C16orf46: variants seen among roughly 807,000 people sequenced by gnomAD.
C16orf46 encodes the protein uncharacterized protein C16orf46.
A neutral mutation model predicts 5.5 loss-of-function variants in C16orf46; 7 were observed. The ratio of observed to expected loss-of-function variants is 1.28; its 90% confidence interval spans 0.73 to 2.40. C16orf46 has a LOEUF of 2.40. Ranked by LOEUF, C16orf46 falls within the 30% of genes most tolerant of loss-of-function variation. The probability of loss-of-function intolerance (pLI) is 0.00; values close to 1 mark genes in which losing one functional copy is unlikely to be tolerated. For synonymous variants in C16orf46, 200 were observed against 184.1 expected (o/e 1.09, Z -0.70); for missense variants, 614 against 476.0 (o/e 1.29, Z -2.70).
At chr16:81,054,474 G>T (rs1196527182) in intron 3 of C16orf46, among the ~76,000 whole-genome samples, 2 of 135,722 alleles carry the variant, frequency 1.5e-5, no homozygotes, top group South Asian at 2.6e-4. Context: ...TACTATTAAT[G>T]AATTGCAAGC....
intron 1 of C16orf46, among the ~76,000 whole-genome samples, chr16:81,067,743 G>T (rs1052696873): frequency 5.3e-5 from 8 of 152,052 alleles, no homozygotes; most frequent in African/African-American, 1.9e-4. Flanking sequence ...AGTAGAAACG[G>T]AGTTTTACCA....
chr16:81,073,192 T>C (rs1316316423), intron 1 of C16orf46, among the ~76,000 whole-genome samples: 5 of 152,224 alleles, frequency 3.3e-5, no homozygotes. Context: ...AACAGATGTC[T>C]GTAGTTATTA....
intron 3 of C16orf46, 138 bp from the exon 4 acceptor site, chr16:81,062,276 C>T: frequency 3.0e-6 from 2 of 675,426 alleles, no homozygotes; most frequent in Non-Finnish European, 2.2e-6. Context: ...CTACCCCTTC[C>T]CCCACTAATA....
Position 81,061,086 on chromosome 16 carries a change from A to C in C16orf46, c.*75T>G, listed in dbSNP as rs1220263543. 1.7e-5 allele frequency: 25 copies of C among 1,497,884 alleles called. No homozygotes were observed. In the South Asian group the frequency reaches 1.8e-4, roughly 11 times the overall value. 92.8% of individuals were successfully genotyped at this position (1,497,884 alleles called of 1,614,324 possible). A position where few individuals can be genotyped will look rare whatever the true frequency, so the allele number is the denominator to read the frequency against. ...AAAGAGAGAGTGGGGGGTGGGTGGG[A>C]AATGAGAGAGAAGAAAGAGAAAGGA... On this transcript the variant is annotated 3_prime_UTR_variant, in exon 4 of 4. Transcript: ENST00000299578.
rs1330161610 is a variant in C16orf46, at chr16:81,077,184, A to G, written c.-176T>C. On this transcript the variant is annotated 5_prime_UTR_variant, in exon 1 of 4. Transcript: ENST00000299578. ...GCCCCGAGACAGCTAGTCCCGGCCT[A>G]CTGGCAAGAGCTACTCAGGTCGCTG... 2.6e-5 allele frequency: 4 copies of G among 152,292 alleles called. No individual in the cohort carries two copies. Among genetic ancestry groups the G allele is most frequent in the African/African-American group, 9.6e-5 (4 of 41,458 alleles). The allele number at this position is 152,292 out of a possible 1,614,324, so 9.4% of individuals were successfully genotyped here.
chr16:81,075,618 A>G (rs1972011443), intron 1 of C16orf46, among the ~76,000 whole-genome samples: 1 of 152,148 alleles, frequency 6.6e-6, no homozygotes, highest in Non-Finnish European at 1.5e-5. Flanking sequence ...CTGAATTGTC[A>G]ACTCCAAACT....
At chr16:81,057,544 A>G (rs1168492453), downstream of C16orf46, among the ~76,000 whole-genome samples, 2 of 151,820 alleles carry the variant, frequency 1.3e-5, no homozygotes, top group Non-Finnish European at 2.9e-5. Flanking sequence ...GTCTCAAAAA[A>G]AAAAAAAAAA....
Position 81,054,093 on chromosome 16 carries a change from T to G in C16orf46, c.1145A>C (p.His382Pro), listed in dbSNP as rs768203674. 46 of 1,612,572 alleles carry G rather than the reference T, an allele frequency of 2.9e-5. No individual in the cohort carries two copies. The East Asian group carries it at 9.8e-4, about 34-fold the overall frequency. ...CTCCTACTTTATCTTCTTTTTCCTGTGCTGTAACGAGAAATTTAATGACTT... is the reference window on the plus strand; with the variant it reads ...CTCCTACTTTATCTTCTTTTTCCTGGGCTGTAACGAGAAATTTAATGACTT... Residue 382 changes from histidine to proline, a missense_variant and splice_region_variant, in exon 4 of 4, where the codon CAC becomes CCC. Coordinates refer to the C16orf46 transcript ENST00000378611.
At chr16:81,054,187 G>A in intron 3 of C16orf46, 1 of 1,296,348 alleles carries the variant, frequency 7.7e-7, no homozygotes, top group Non-Finnish European at 1.1e-6. Context: ...TATGACAAAA[G>A]GATATTCAAC....
intron 2 of C16orf46, among the ~76,000 whole-genome samples, chr16:81,065,817 A>ATTTTG (rs67787866): frequency 0.058 from 8,643 of 149,724 alleles, 785 homozygotes; most frequent in African/African-American, 0.19. Context: ...TAGTTTTTTT[A>ATTTTG]TTTTGTTTTG....
At chr16:81,073,592 T>C (rs980266348) in intron 1 of C16orf46, among the ~76,000 whole-genome samples, 3 of 152,220 alleles carry the variant, frequency 2.0e-5, no homozygotes, top group Non-Finnish European at 4.4e-5. Context: ...TATTAACCAG[T>C]TGACCTGAAG....
At chr16:81,062,176 G>A in intron 3 of C16orf46, 38 bp from the exon 4 acceptor site, 2 of 1,509,614 alleles carry the variant, frequency 1.3e-6, no homozygotes, top group Non-Finnish European at 1.8e-6. Context: ...CCAGCTGAGG[G>A]GCCCAAACTG....
In C16orf46 at chr16:81,063,746, T is replaced by C. The variant is rs994206214; in HGVS notation, c.210A>G (p.Ala70=). 6 of 1,609,874 alleles carry C rather than the reference T, an allele frequency of 3.7e-6. No individual in the cohort carries two copies. Among genetic ancestry groups the C allele is most frequent in the Admixed American group, 1.7e-5 (1 of 59,890 alleles). The stretch of plus-strand genomic sequence containing the variant: ...AGCTGTGACTCAGAAAGATACTCAC[T>C]GCCTCTTCCCATCCAGTTCCAATAA... The part of the protein sequence containing the change: ...EFIIGTGWEE[A]VQGWGRTSPA... The change falls in exon 3 of 4, where the codon GCA becomes GCG. Residue 70 remains alanine, a splice_region_variant and synonymous_variant. Transcript: ENST00000299578.
chr16:81,055,809 T>A (rs951008368), intron 3 of C16orf46, among the ~76,000 whole-genome samples: 7 of 152,130 alleles, frequency 4.6e-5, no homozygotes, highest in African/African-American at 1.4e-4. Flanking sequence ...AACCTCTGCC[T>A]CCCCGGGTTC....
rs777430599 is a variant in C16orf46, at chr16:81,061,545, C to T, written c.804G>A (p.Glu268=). ...CGTTGACCATAGGGTGTTTGGCCAG[C>T]TCACTGGCTCTTTTTTCACCTTTCC... The part of the protein sequence containing the change: ...ADGKGEKRAS[E]LAKHPMVNDT... The change falls in exon 4 of 4, where the codon GAG becomes GAA. Residue 268 remains glutamate (E), a synonymous_variant. Coordinates refer to ENST00000299578, the MANE Select transcript of C16orf46 (RefSeq NM_152337.3). The T allele has an allele frequency of 4.3e-6, 7 of 1,614,084 alleles. No homozygotes were observed. In the East Asian group the frequency reaches 1.6e-4, roughly 36 times the overall value.
chr16:81,060,858 G>A (rs1190667921), downstream of C16orf46: 12 of 541,266 alleles, frequency 2.2e-5, no homozygotes, highest in East Asian at 6.2e-5. Flanking sequence ...TGCTGGGAGT[G>A]GACATGAAGC....
intron 1 of C16orf46, among the ~76,000 whole-genome samples, chr16:81,072,748 C>G (rs771174979): frequency 3.9e-5 from 6 of 152,130 alleles, no homozygotes; most frequent in Non-Finnish European, 5.9e-5. Context: ...CTTGCCCAGG[C>G]TGGAGTGCAA....
At chr16:81,054,009 C>G in exon 4 of C16orf46, 1 of 1,533,688 alleles carries the variant, frequency 6.5e-7, no homozygotes, top group Non-Finnish European at 9.0e-7. Flanking sequence ...GAAATATTTG[C>G]TTTTATGATT....
intron 1 of C16orf46, chr16:81,071,921 T>A (rs906222827): frequency 6.6e-6 from 1 of 152,152 alleles, no homozygotes; most frequent in African/African-American, 2.4e-5. Flanking sequence ...TCTGTTGCAG[T>A]TGGGTTAGAG....
Sources: gnomAD v4.1 joint callset for allele counts (sites outside exome capture counted in the v4.1 genomes callset) on GRCh38, gnomAD v4.1.1 for gene constraint, MANE v1.5 for transcripts, NCBI Gene and HGNC (gene_info 2026-07-23, HGNC 2026-07-21) for gene names.